Variants in LRP1B observed in about 807,000 individuals in gnomAD.
LRP1B encodes low-density lipoprotein receptor-related protein 1B.
LRP1B carries 217 observed loss-of-function variants against 556.6 expected under a neutral mutation model. The ratio of observed to expected loss-of-function variants is 0.39; its 90% CI spans 0.35 to 0.44. The LOEUF is 0.44. Among genes scored for constraint, LRP1B ranks in the 20% least tolerant of loss-of-function variants. LRP1B has a pLI of 1.00. For synonymous variants in LRP1B, 2,047 were observed against 1,865.8 expected, an observed-to-expected ratio of 1.10 and a Z score of -2.50; for missense variants, 5,053 against 5,620.8, an observed-to-expected ratio of 0.90 and a Z score of 3.23.
chr2:141,474,889 TTC>T (rs1682641019), intron 3 of LRP1B, among the ~76,000 whole-genome samples: 1 of 152,210 alleles, frequency 6.6e-6, no homozygotes, highest in African/African-American at 2.4e-5. Context: ...ACACATGTTA[TTC>T]TCTTAGATTT....
At chr2:141,191,882 T>C (rs1164985237) in intron 6 of LRP1B, among the ~76,000 whole-genome samples, 1 of 151,946 alleles carries the variant, frequency 6.6e-6, no homozygotes, top group Non-Finnish European at 1.5e-5. Context: ...GTCCATTCAA[T>C]GACCCATCCC....
At chr2:141,091,441 G>A (rs968408299) in intron 7 of LRP1B, among the ~76,000 whole-genome samples, 3 of 152,124 alleles carry the variant, frequency 2.0e-5, no homozygotes, top group Non-Finnish European at 2.9e-5. Context: ...ATTGCTTCCC[G>A]GCTGGGGCCA....
At position 140,776,249 on chromosome 2, in the gene LRP1B, G is replaced by A. The variant is rs781471317; in HGVS notation, c.5360-11C>T. 1.3e-6 allele frequency: 2 copies of A among 1,560,076 alleles called. No individual in the cohort carries two copies. Among genetic ancestry groups the A allele is most frequent in the East Asian group, 4.7e-5 (2 of 42,312 alleles). ...ACCACAGTTTCTTATCTAGAAAAAGGAAAGATATTTTTTAAAGGAAAGTAT... is the reference window on the plus strand; with the variant it reads ...ACCACAGTTTCTTATCTAGAAAAAGAAAAGATATTTTTTAAAGGAAAGTAT... On this transcript the variant is annotated splice_polypyrimidine_tract_variant and intron_variant, in intron 32 of 90. Coordinates refer to ENST00000389484, the MANE Select transcript of LRP1B (RefSeq NM_018557.3).
intron 1 of LRP1B, among the ~76,000 whole-genome samples, chr2:141,981,378 A>T (rs1392672715): frequency 1.3e-5 from 2 of 152,102 alleles, no homozygotes; most frequent in African/African-American, 4.8e-5. Flanking sequence ...AAGGCAAAAG[A>T]CACAGTAATT....
chr2:141,181,319 C>T (rs541551427), intron 7 of LRP1B, among the ~76,000 whole-genome samples: 2 of 152,016 alleles, frequency 1.3e-5, no homozygotes, highest in East Asian at 3.9e-4. Context: ...AAAAAAGGAA[C>T]CCATGTCCTC....
chr2:140,713,158 T>G (rs1184923203), intron 37 of LRP1B, among the ~76,000 whole-genome samples: 1 of 152,040 alleles, frequency 6.6e-6, no homozygotes, highest in African/African-American at 2.4e-5. Context: ...GAGTATTTCC[T>G]CTCCAAACTT....
intron 1 of LRP1B, among the ~76,000 whole-genome samples, chr2:141,895,600 T>C (rs931493472): frequency 2.0e-5 from 3 of 152,140 alleles, no homozygotes; most frequent in Admixed American, 6.6e-5. Context: ...GGCTCACCAT[T>C]TTTTTCCACC....
chr2:140,627,671 A>G (rs1469174276), intron 41 of LRP1B, among the ~76,000 whole-genome samples: 1 of 152,180 alleles, frequency 6.6e-6, no homozygotes, highest in East Asian at 1.9e-4. Flanking sequence ...TTTCACATAT[A>G]CAGCTATCCT....
chr2:141,588,399 C>G (rs1481117595), intron 2 of LRP1B, among the ~76,000 whole-genome samples: 2 of 152,036 alleles, frequency 1.3e-5, no homozygotes, highest in Non-Finnish European at 2.9e-5. Flanking sequence ...AACTGTGACT[C>G]TGTCATTTTG....
At chr2:141,730,867 T>C (rs1462426844) in intron 2 of LRP1B, among the ~76,000 whole-genome samples, 1 of 152,166 alleles carries the variant, frequency 6.6e-6, no homozygotes, top group African/African-American at 2.4e-5. Flanking sequence ...GTGGTTTATT[T>C]GGGGAACCCC....
intron 68 of LRP1B, among the ~76,000 whole-genome samples, chr2:140,376,789 C>T (rs1312921771): frequency 6.6e-6 from 1 of 152,080 alleles, no homozygotes; most frequent in Non-Finnish European, 1.5e-5. Context: ...GGAGAATTGT[C>T]CAGTCCTACA....
At chr2:141,666,773 G>C (rs1322943535) in intron 2 of LRP1B, among the ~76,000 whole-genome samples, 1 of 152,120 alleles carries the variant, frequency 6.6e-6, no homozygotes, top group East Asian at 1.9e-4. Context: ...TGATCTAGCT[G>C]TTATGTATAC....
At chr2:141,331,883 C>T (rs1687671157) in intron 3 of LRP1B, among the ~76,000 whole-genome samples, 1 of 152,144 alleles carries the variant, frequency 6.6e-6, no homozygotes, top group African/African-American at 2.4e-5. Flanking sequence ...TACCCTTGTT[C>T]TACCCCACAT....
intron 1 of LRP1B, among the ~76,000 whole-genome samples, chr2:141,892,730 G>A (rs1176800793): frequency 6.6e-6 from 1 of 152,058 alleles, no homozygotes; most frequent in East Asian, 1.9e-4. Context: ...AGATTACAGA[G>A]GTCAAAATGG....
intron 82 of LRP1B, among the ~76,000 whole-genome samples, chr2:140,318,522 TTTCTTACCTACCTCAAAGTGACATA>T (rs1385426306): frequency 6.6e-6 from 1 of 152,136 alleles, no homozygotes; most frequent in Admixed American, 6.6e-5. Context: ...CTTGTTTCAT[TTTCTTACCTACCTCAAAGTGACATA>T]TTGATTTTAA....
At chr2:141,722,956 G>T (rs1439853696) in intron 2 of LRP1B, among the ~76,000 whole-genome samples, 1 of 152,154 alleles carries the variant, frequency 6.6e-6, no homozygotes, top group Non-Finnish European at 1.5e-5. Context: ...TTACATTGAT[G>T]AATATTTTGG....
At chr2:140,410,086 A>T (rs1031252880) in intron 66 of LRP1B, among the ~76,000 whole-genome samples, 2 of 152,138 alleles carry the variant, frequency 1.3e-5, no homozygotes, top group African/African-American at 4.8e-5. Context: ...CTCTGAGATA[A>T]ATACGGACAA....
Position 141,235,334 on chromosome 2 carries a change from C to T in LRP1B, c.593-5894G>A, listed in dbSNP as rs546415526. 8.6e-5 allele frequency among the ~76,000 whole-genome samples: 13 copies of T among 151,850 alleles called. 1 individual carries two copies. The South Asian group carries it at 1.2e-3, about 15-fold the overall frequency. On this transcript the variant is annotated intron_variant, in intron 5 of 90. Transcript: ENST00000389484. ...CAGTAAGACAGTCCGCCTTCAAGAA[C>T]GATACAATCAAGTAGAAAGTTTAAG...
intron 60 of LRP1B, among the ~76,000 whole-genome samples, chr2:140,463,097 G>T (rs1687390838): frequency 2.0e-5 from 3 of 152,248 alleles, no homozygotes; most frequent in Admixed American, 1.3e-4. Flanking sequence ...ACTGCAGTCT[G>T]GTAAACAGGA....
Sources: allele counts gnomAD v4.1 joint callset (sites outside exome capture counted in the v4.1 genomes callset), GRCh38; gene constraint gnomAD v4.1.1; transcripts MANE v1.5; gene names NCBI Gene and HGNC (gene_info 2026-07-23, HGNC 2026-07-21).